ZBTB20: variants seen among roughly 807,000 people sequenced by gnomAD.
ZBTB20 encodes zinc finger and BTB domain-containing protein 20.
In ZBTB20, 9 loss-of-function variants were observed where a neutral mutation model predicts 56.9. The observed-to-expected ratio is 0.16, with a 90% CI of 0.10 to 0.28. The LOEUF (loss-of-function observed/expected upper bound fraction) is 0.28, where lower values mean the gene tolerates loss of function less well. Ranked by LOEUF, ZBTB20 falls within the 10% of genes least tolerant of loss-of-function variation. The pLI, the probability that ZBTB20 is intolerant of heterozygous loss-of-function variation, is 1.00. For missense variants in ZBTB20, 655 were observed against 1,003.0 expected (o/e 0.65, Z 4.69); for synonymous variants, 417 against 420.7 (o/e 0.99, Z 0.11).
At chr3:114,899,623 A>T (rs2075027579) in intron 4 of ZBTB20, among the ~76,000 whole-genome samples, 1 of 152,216 alleles carries the variant, frequency 6.6e-6, no homozygotes, top group Admixed American at 6.5e-5. Flanking sequence ...TAACAGTTCA[A>T]GGTCTACATC....
At chr3:114,929,308 C>T (rs1019976737) in intron 3 of ZBTB20, among the ~76,000 whole-genome samples, 1 of 152,126 alleles carries the variant, frequency 6.6e-6, no homozygotes, top group African/African-American at 2.4e-5. Context: ...AACTAGCAGT[C>T]GGTTGAAGGT....
intron 6 of ZBTB20, among the ~76,000 whole-genome samples, chr3:114,508,341 T>C (rs1577173082): frequency 1.3e-5 from 2 of 152,150 alleles, no homozygotes; most frequent in East Asian, 1.9e-4. Context: ...GTCCATTACA[T>C]ACAGCACAGG....
chr3:114,541,460 T>G lies in ZBTB20; in HGVS notation c.-294-41069A>C, dbSNP rs571913414. Among the ~76,000 whole-genome samples the G allele has an allele frequency of 1.1e-4, 17 of 152,268 alleles. No homozygotes were observed. In the East Asian group the frequency reaches 3.3e-3, roughly 29 times the overall value. On this transcript the variant is annotated intron_variant, in intron 6 of 11. Coordinates refer to ENST00000675478, the MANE Select transcript of ZBTB20 (RefSeq NM_001348800.3). ...CTTGTGGATACCTAGTTTTACATAATCAATATGGCTGGAAAAGTGTGATTC... is the reference window on the plus strand; with the variant it reads ...CTTGTGGATACCTAGTTTTACATAAGCAATATGGCTGGAAAAGTGTGATTC...
intron 4 of ZBTB20, among the ~76,000 whole-genome samples, chr3:114,822,108 C>A (rs1333225348): frequency 2.6e-5 from 4 of 151,938 alleles, no homozygotes; most frequent in African/African-American, 9.7e-5. Flanking sequence ...TTATTTCATT[C>A]TGCGTTAGAT....
rs2078950841 is a variant in ZBTB20, at chr3:114,323,075, C to T, written c.*15930G>A. ...TCTTTACTCTTGTGTTATTATTTCCCACACAATCTATTGCTTATCCTGTGA... is the reference window on the plus strand; with the variant it reads ...TCTTTACTCTTGTGTTATTATTTCCTACACAATCTATTGCTTATCCTGTGA... On this transcript the variant is annotated 3_prime_UTR_variant, in exon 12 of 12. Transcript: ENST00000675478. 7.0e-6 allele frequency: 1 copy of T among 142,826 alleles called. No individual in the cohort carries two copies. Among genetic ancestry groups the T allele is most frequent in the African/African-American group, 2.5e-5 (1 of 40,704 alleles). The allele number at this position is 142,826 out of a possible 1,614,324, so 8.8% of individuals were successfully genotyped here. A position where few individuals can be genotyped will look rare whatever the true frequency, so the allele number is the denominator to read the frequency against.
intron 4 of ZBTB20, among the ~76,000 whole-genome samples, chr3:114,836,451 T>G (rs545490047): frequency 6.6e-6 from 1 of 152,336 alleles, no homozygotes; most frequent in African/African-American, 2.4e-5. Context: ...ATAGCAATAA[T>G]GAGCACTTTT....
chr3:114,741,423 G>A (rs1344179824), intron 5 of ZBTB20, among the ~76,000 whole-genome samples: 1 of 152,004 alleles, frequency 6.6e-6, no homozygotes, highest in African/African-American at 2.4e-5. Context: ...AGTGATACAA[G>A]GAGACTTTTA....
chr3:114,510,734 C>T (rs1263052218), intron 6 of ZBTB20, among the ~76,000 whole-genome samples: 2 of 152,112 alleles, frequency 1.3e-5, no homozygotes, highest in Non-Finnish European at 2.9e-5. Context: ...ATTCATTTAA[C>T]TTCTTGCAGT....
chr3:114,606,274 A>G (rs2057144092), intron 6 of ZBTB20, among the ~76,000 whole-genome samples: 1 of 152,072 alleles, frequency 6.6e-6, no homozygotes, highest in Non-Finnish European at 1.5e-5. Flanking sequence ...TTTAACATCA[A>G]TCTTTTCTAC....
intron 6 of ZBTB20, among the ~76,000 whole-genome samples, chr3:114,618,918 T>G (rs2058121479): frequency 6.6e-6 from 1 of 152,220 alleles, no homozygotes; most frequent in Admixed American, 6.5e-5. Flanking sequence ...GTGCTAACAC[T>G]TTTTATTACA....
intron 3 of ZBTB20, among the ~76,000 whole-genome samples, chr3:114,940,021 G>A (rs186798688): frequency 6.8e-6 from 1 of 146,538 alleles, no homozygotes. Context: ...TGACTATTCA[G>A]TATAGGTGTT....
At chr3:114,493,515 A>T (rs114857800) in intron 7 of ZBTB20, among the ~76,000 whole-genome samples, 1,597 of 152,312 alleles carry the variant, frequency 0.01, 25 homozygotes, top group African/African-American at 0.037. Context: ...AGGACCTGTT[A>T]TCATCAGGCC....
chr3:114,993,527 G>A (rs1459889750), intron 2 of ZBTB20, among the ~76,000 whole-genome samples: 2 of 151,692 alleles, frequency 1.3e-5, no homozygotes, highest in Non-Finnish European at 2.9e-5. Context: ...AAAAAGAGGT[G>A]TTAACAAATA....
At chr3:114,883,587 T>A (rs2076478174) in intron 4 of ZBTB20, among the ~76,000 whole-genome samples, 1 of 152,228 alleles carries the variant, frequency 6.6e-6, no homozygotes, top group Non-Finnish European at 1.5e-5. Context: ...GATAACCTGA[T>A]AGTGCATGCT....
intron 6 of ZBTB20, among the ~76,000 whole-genome samples, chr3:114,603,520 T>A (rs1246046242): frequency 6.6e-6 from 1 of 151,954 alleles, no homozygotes; most frequent in African/African-American, 2.4e-5. Context: ...TTTTTACCTA[T>A]AACTCATTAT....
chr3:114,913,617 G>A (rs1306828992), intron 3 of ZBTB20, among the ~76,000 whole-genome samples: 2 of 151,032 alleles, frequency 1.3e-5, no homozygotes, highest in Non-Finnish European at 3.0e-5. Context: ...TTTTGCTTTG[G>A]TTGCTTGTGC....
intron 6 of ZBTB20, among the ~76,000 whole-genome samples, chr3:114,666,036 G>A (rs549984667): frequency 3.0e-4 from 45 of 152,078 alleles, no homozygotes; most frequent in Non-Finnish European, 5.2e-4. Flanking sequence ...TAAATGGACC[G>A]CATGCTTCCT....
chr3:114,850,100 A>G (rs989587046), intron 4 of ZBTB20, among the ~76,000 whole-genome samples: 3 of 151,920 alleles, frequency 2.0e-5, no homozygotes, highest in African/African-American at 4.8e-5. Flanking sequence ...AGGTTTCACC[A>G]TGTTGGCCAG....
intron 5 of ZBTB20, among the ~76,000 whole-genome samples, chr3:114,748,350 T>TCTCTC (rs373583112): frequency 0.014 from 402 of 29,134 alleles, 1 homozygote; most frequent in Non-Finnish European, 0.023. Context: ...TCTTTCTTTC[T>TCTCTC]TTTCTCTCTC....
Sources: allele counts gnomAD v4.1 joint callset (sites outside exome capture counted in the v4.1 genomes callset), GRCh38; gene constraint gnomAD v4.1.1; transcripts MANE v1.5; gene names NCBI Gene and HGNC (gene_info 2026-07-23, HGNC 2026-07-21).